Variants in CEACAM3 observed in about 807,000 individuals in gnomAD.
CEACAM3 encodes the protein cell adhesion molecule CEACAM3.
A neutral mutation model predicts 30.1 loss-of-function variants in CEACAM3; 32 were observed. That is an observed-to-expected ratio of 1.06 (90% CI 0.80 to 1.43). The LOEUF (loss-of-function observed/expected upper bound fraction) is 1.43. Among genes scored for constraint, CEACAM3 ranks in the 40% most tolerant of loss-of-function variants. The pLI, the probability that CEACAM3 is intolerant of heterozygous loss-of-function variation, is 0.00. For synonymous variants in CEACAM3, 134 were observed against 127.2 expected (o/e 1.05, Z -0.36); for missense variants, 290 against 316.3 (o/e 0.92, Z 0.63).
At chr19:41,800,176 A>T (rs563064240) in intron 2 of CEACAM3, among the ~76,000 whole-genome samples, 117 of 152,300 alleles carry the variant, frequency 7.7e-4, no homozygotes, top group African/African-American at 2.5e-3. Flanking sequence ...TCGCTCTATA[A>T]TCACAACCTA....
intron 2 of CEACAM3, among the ~76,000 whole-genome samples, chr19:41,800,178 C>T (rs1482188191): frequency 6.6e-6 from 1 of 152,158 alleles, no homozygotes; most frequent in Admixed American, 6.5e-5. Context: ...GCTCTATAAT[C>T]ACAACCTAGG....
chr19:41,800,412 G>A (rs554579316), intron 2 of CEACAM3, among the ~76,000 whole-genome samples: 117 of 152,252 alleles, frequency 7.7e-4, no homozygotes, highest in African/African-American at 2.5e-3. Context: ...GACCGGGAAA[G>A]GGAGTCTCCC....
At chr19:41,805,289 T>A (rs10407643) in intron 2 of CEACAM3, among the ~76,000 whole-genome samples, 1 of 122,348 alleles carries the variant, frequency 8.2e-6, no homozygotes, top group Non-Finnish European at 1.8e-5. Flanking sequence ...TTTCTTCTTT[T>A]TTTTTTTTTT....
intron 5 of CEACAM3, among the ~76,000 whole-genome samples, chr19:41,810,594 G>T (rs1159684066): frequency 6.6e-6 from 1 of 152,084 alleles, no homozygotes; most frequent in Non-Finnish European, 1.5e-5. Context: ...AGTGCAGCAG[G>T]TGCAGAGTGG....
intron 2 of CEACAM3, among the ~76,000 whole-genome samples, chr19:41,806,769 C>T (rs968523142): frequency 6.6e-6 from 1 of 152,172 alleles, no homozygotes; most frequent in African/African-American, 2.4e-5. Context: ...TCACTGCAAG[C>T]TCTGCCTCCC....
intron 2 of CEACAM3, among the ~76,000 whole-genome samples, chr19:41,805,131 TAA>T (rs2073187827): frequency 6.6e-6 from 1 of 152,112 alleles, no homozygotes; most frequent in Non-Finnish European, 1.5e-5. Flanking sequence ...CTCTTATGCA[TAA>T]GAGATACTCA....
intron 2 of CEACAM3, chr19:41,807,508 TC>T: frequency 7.0e-7 from 1 of 1,427,194 alleles, no homozygotes; most frequent in South Asian, 1.3e-5. Context: ...GGCCATCACT[TC>T]CTGTCCCAAG....
Position 41,811,298 on chromosome 19 carries a change from G to A in CEACAM3, c.*61G>A. Reference sequence around the variant, plus strand: ...AGTCCCCAAGGCCCCCAGCCCTGGGGATGGGGAAGGACATGAAGCCTGAGC... The same window carrying A: ...AGTCCCCAAGGCCCCCAGCCCTGGGAATGGGGAAGGACATGAAGCCTGAGC... On this transcript the variant is annotated 3_prime_UTR_variant, in exon 7 of 7. Transcript: ENST00000357396. 7.1e-7 allele frequency: 1 copy of A among 1,412,548 alleles called. No homozygotes were observed. The highest frequency in any genetic ancestry group is 1.0e-6 in the Non-Finnish European group (1 of 999,786). 87.5% of individuals were successfully genotyped at this position (1,412,548 alleles called of 1,614,324 possible). A position where few individuals can be genotyped will look rare whatever the true frequency, so the allele number is the denominator to read the frequency against.
At position 41,810,916 on chromosome 19, in the gene CEACAM3, T is replaced by A. The variant is rs782609313; in HGVS notation, c.693+19T>A. On this transcript the variant is annotated intron_variant, in intron 6 of 6. Coordinates refer to ENST00000357396, the MANE Select transcript of CEACAM3 (RefSeq NM_001815.5). Reference sequence around the variant, plus strand: ...CTATGAGGTGAGTGTGGGCCACGGATGTTCTGGTCCCACAGGCCCCAGGGG... The same window carrying A: ...CTATGAGGTGAGTGTGGGCCACGGAAGTTCTGGTCCCACAGGCCCCAGGGG... 5 of 1,609,288 alleles carry A rather than the reference T, an allele frequency of 3.1e-6. No individual in the cohort carries two copies. The highest frequency in any genetic ancestry group is 4.2e-6 in the Non-Finnish European group (5 of 1,176,940).
At chr19:41,808,685 C>T (rs973929563) in intron 2 of CEACAM3, 128 bp from the exon 3 acceptor site, 33 of 734,952 alleles carry the variant, frequency 4.5e-5, no homozygotes, top group African/African-American at 7.2e-5. Flanking sequence ...GAGGACAACA[C>T]AAGAGACTAC....
At chr19:41,797,492 A>C (rs1568737351) in intron 1 of CEACAM3, 97 bp from the exon 2 acceptor site, 1 of 1,474,572 alleles carries the variant, frequency 6.8e-7, no homozygotes, top group Non-Finnish European at 9.2e-7. Flanking sequence ...ACACTCTCCA[A>C]GGCTGAAGGG....
At chr19:41,809,627 C>T in intron 3 of CEACAM3, 1 of 252,430 alleles carries the variant, frequency 4.0e-6, no homozygotes, top group Non-Finnish European at 7.7e-6. Flanking sequence ...CACACGTGGC[C>T]CTGCTTTGCC....
chr19:41,808,887 G>A lies in CEACAM3; in HGVS notation c.499G>A (p.Val167Met). 6.2e-7 allele frequency: 1 copy of A among 1,608,552 alleles called. No individual in the cohort carries two copies. The highest frequency in any genetic ancestry group is 8.5e-7 in the Non-Finnish European group (1 of 1,177,408). ...CGGGGTCCTGGTCGGAGTGGCGCTG[G>A]TGGCCGCGCTGGTGTGTTTCCTGCT... ...VTGVLVGVAL[V>M]AALVCFLLLA... The change falls in exon 3 of 7, where the codon GTG becomes ATG. Residue 167 changes from valine to methionine, a missense_variant. Val to Met is a conservative substitution (Grantham distance 21, BLOSUM62 1). Coordinates refer to ENST00000357396, the MANE Select transcript of CEACAM3 (RefSeq NM_001815.5).
Position 41,810,386 on chromosome 19 carries a change from T to G in CEACAM3, c.627+32T>G, listed in dbSNP as rs372629633. 4.4e-4 allele frequency: 702 copies of G among 1,585,158 alleles called. 2 individuals are homozygous for G. The highest frequency in any genetic ancestry group is 9.9e-4 in the Middle Eastern group (6 of 6,036). ...CTGTCCCCTTCCAGCCCCTTTCTAC[T>G]GGGGTCCCAGCTGTGCAGGCTCTGG... On this transcript the variant is annotated intron_variant, in intron 5 of 6. Coordinates refer to ENST00000357396, the MANE Select transcript of CEACAM3 (RefSeq NM_001815.5).
chr19:41,800,345 G>A (rs2073135713), intron 2 of CEACAM3, among the ~76,000 whole-genome samples: 1 of 152,154 alleles, frequency 6.6e-6, no homozygotes, highest in Admixed American at 6.5e-5. Flanking sequence ...CCGTTGCCAG[G>A]CAGACCGAGG....
chr19:41,806,023 GTTGTTGT>G (rs1482453810), intron 2 of CEACAM3, among the ~76,000 whole-genome samples: 4 of 151,976 alleles, frequency 2.6e-5, no homozygotes, highest in South Asian at 2.1e-4. Flanking sequence ...TGTTGTTGTT[GTTGTTGT>G]TTGTTGTTTG....
rs1475745244 is a variant in CEACAM3, at chr19:41,797,283, G to A, written c.65-306G>A. 3 of 370,246 alleles carry A rather than the reference G, an allele frequency of 8.1e-6. No individual in the cohort carries two copies. The South Asian group carries it at 1.3e-4, about 16-fold the overall frequency. 22.9% of individuals were successfully genotyped at this position (370,246 alleles called of 1,614,324 possible). A position where few individuals can be genotyped will look rare whatever the true frequency, so the allele number is the denominator to read the frequency against. The stretch of plus-strand genomic sequence containing the variant: ...AACAGAGCAGAAAAAGGTCAGAAAG[G>A]GAAGACCCAGGGTCTCTAGAGGAGG... On this transcript the variant is annotated intron_variant, in intron 1 of 6. Transcript: ENST00000357396.
chr19:41,809,144 G>A, intron 3 of CEACAM3: 1 of 399,256 alleles, frequency 2.5e-6, no homozygotes, highest in Non-Finnish European at 4.5e-6. Flanking sequence ...GCCCAATTAA[G>A]GCCCCACCCC....
At chr19:41,807,019 AAAG>A (rs5828129) in intron 2 of CEACAM3, 938,799 of 1,578,284 alleles carry the variant, frequency 0.59, 286,841 homozygotes, top group Middle Eastern at 0.74. Flanking sequence ...GGAGTTGGCC[AAAG>A]AATAGGAGAT....
Sources: gnomAD v4.1 joint callset for allele counts (sites outside exome capture counted in the v4.1 genomes callset) on GRCh38, gnomAD v4.1.1 for gene constraint, MANE v1.5 for transcripts, NCBI Gene and HGNC (gene_info 2026-07-23, HGNC 2026-07-21) for gene names.